The following ARHGAP10 variants were observed in gnomAD, a reference collection of about 807,000 sequenced individuals.
ARHGAP10 encodes the protein rho GTPase-activating protein 10.
A neutral mutation model predicts 108.6 loss-of-function variants in ARHGAP10; 87 were observed. The ratio of observed to expected loss-of-function variants is 0.80; its 90% CI spans 0.67 to 0.96. ARHGAP10 has a LOEUF of 0.96. Ranked by LOEUF, ARHGAP10 falls within the 40% of genes least tolerant of loss-of-function variation. The pLI is 0.00. For missense variants in ARHGAP10, 939 were observed against 954.5 expected, an observed-to-expected ratio of 0.98 and a Z score of 0.21; for synonymous variants, 347 against 341.1, an observed-to-expected ratio of 1.02 and a Z score of -0.19.
intron 3 of ARHGAP10, among the ~76,000 whole-genome samples, chr4:147,827,427 G>A (rs1732756421): frequency 6.6e-6 from 1 of 152,196 alleles, no homozygotes; most frequent in South Asian, 2.1e-4. Flanking sequence ...AAGTGCGCCA[G>A]CAAAGATAAT....
chr4:147,783,279 CATTAA>C (rs1166802627), intron 1 of ARHGAP10, among the ~76,000 whole-genome samples: 2 of 143,232 alleles, frequency 1.4e-5, no homozygotes, highest in African/African-American at 5.0e-5. Flanking sequence ...ATATAACACA[CATTAA>C]ATTATGTATT....
intron 1 of ARHGAP10, among the ~76,000 whole-genome samples, chr4:147,752,726 C>CA (rs1225921194): frequency 6.6e-6 from 1 of 152,106 alleles, no homozygotes; most frequent in African/African-American, 2.4e-5. Context: ...GGAGTTTTGC[C>CA]ATGTTGGCCA....
rs200063962 is a variant in ARHGAP10 at position 147,875,184 on chromosome 4, C to T, written c.832+34C>T. 1.8e-5 allele frequency: 27 copies of T among 1,522,866 alleles called. No individual in the cohort carries two copies. The African/African-American group carries it at 3.4e-4, about 19-fold the overall frequency. The allele number at this position is 1,522,866 out of a possible 1,614,324, so 94.3% of individuals were successfully genotyped here. ...CCCTCCAGCAGTGGCTGCGTGGCTG[C>T]TTAAAAATGCAAATTATTGAAAACT... On this transcript the variant is annotated intron_variant, in intron 8 of 22. Coordinates refer to ENST00000336498, the MANE Select transcript of ARHGAP10 (RefSeq NM_024605.4).
At position 147,864,897 on chromosome 4, in the gene ARHGAP10, G is replaced by T. The variant is rs755105567; in HGVS notation, c.538G>T (p.Glu180Ter). 1 of 1,614,092 alleles carries T rather than the reference G, an allele frequency of 6.2e-7. No individual in the cohort carries two copies. Among genetic ancestry groups the T allele is most frequent in the Non-Finnish European group, 8.5e-7 (1 of 1,180,002 alleles). The change falls in exon 6 of 23, where the codon GAG becomes TAG. Residue 180 changes from glutamate to a stop codon, truncating the protein, a stop_gained. Coordinates refer to ENST00000336498, the MANE Select transcript of ARHGAP10 (RefSeq NM_024605.4). LOFTEE classifies it high-confidence loss of function. The part of the protein sequence containing the change: ...NRQHFYELSL[E>*]YVCKLQEIQE... Reference sequence around the variant, plus strand: ...GCAACACTTCTATGAACTGTCTCTCGAGTATGTGTGTAAGCTGCAGGAAAT... The same window carrying T: ...GCAACACTTCTATGAACTGTCTCTCTAGTATGTGTGTAAGCTGCAGGAAAT...
At chr4:147,822,850 T>C in intron 2 of ARHGAP10, 28 bp downstream of exon 2, 1 of 1,613,996 alleles carries the variant, frequency 6.2e-7, no homozygotes, top group Non-Finnish European at 8.5e-7. Flanking sequence ...TTTGGTTTGT[T>C]TTCCTTTGCC....
chr4:147,837,034 C>CT (rs1347320491), intron 3 of ARHGAP10, among the ~76,000 whole-genome samples: 1 of 152,140 alleles, frequency 6.6e-6, no homozygotes, highest in Admixed American at 6.5e-5. Context: ...GATTGTGAAA[C>CT]TTTTTCACTT....
At chr4:148,052,361 T>C (rs565157839) in intron 20 of ARHGAP10, among the ~76,000 whole-genome samples, 2 of 150,752 alleles carry the variant, frequency 1.3e-5, no homozygotes, top group African/African-American at 4.9e-5. Context: ...AAAAAAGATT[T>C]ATCTTTTAAA....
chr4:147,879,041 A>C (rs192200256), intron 8 of ARHGAP10, among the ~76,000 whole-genome samples, 191 bp from the exon 9 acceptor site: 12 of 152,304 alleles, frequency 7.9e-5, no homozygotes, highest in Non-Finnish European at 1.6e-4. Context: ...AAGTGCTGGG[A>C]TTACAGGCGT....
intron 19 of ARHGAP10, among the ~76,000 whole-genome samples, chr4:148,027,985 A>G (rs1196434510): frequency 2.0e-5 from 3 of 152,042 alleles, no homozygotes; most frequent in Non-Finnish European, 4.4e-5. Context: ...AAGAGCTTTT[A>G]TATGCTCCAC....
At chr4:147,780,469 G>C (rs1259575630) in intron 1 of ARHGAP10, among the ~76,000 whole-genome samples, 1 of 152,168 alleles carries the variant, frequency 6.6e-6, no homozygotes, top group Non-Finnish European at 1.5e-5. Flanking sequence ...AAAGAGGGCA[G>C]TGTTTATAGA....
intron 7 of ARHGAP10, among the ~76,000 whole-genome samples, chr4:147,872,962 G>C (rs987941758): frequency 7.2e-5 from 11 of 152,168 alleles, no homozygotes; most frequent in African/African-American, 2.7e-4. Context: ...ACTGTGCCCA[G>C]ATCTTGTCGC....
intron 18 of ARHGAP10, among the ~76,000 whole-genome samples, chr4:147,975,944 A>G (rs374462731): frequency 1.3e-5 from 2 of 152,224 alleles, no homozygotes; most frequent in African/African-American, 4.8e-5. Context: ...CGATCAGTAG[A>G]ATGCATTGGT....
In ARHGAP10 at chr4:147,790,547, C is replaced by T. The variant is rs75796272; in HGVS notation, c.155-32180C>T. ...TTCAGAGGTGACTAGATTAATAATT[C>T]GACTTTTTTCTACCTGCTTGTCCAG... On this transcript the variant is annotated intron_variant, in intron 1 of 22. Coordinates refer to ENST00000336498, the MANE Select transcript of ARHGAP10 (RefSeq NM_024605.4). Among the ~76,000 whole-genome samples the T allele has an allele frequency of 9.8e-3, 1,488 of 152,236 alleles. 22 individuals are homozygous for T. The highest frequency in any genetic ancestry group is 0.034 in the African/African-American group (1,407 of 41,522).
chr4:147,925,325 CACA>C (rs1035908493), intron 13 of ARHGAP10, among the ~76,000 whole-genome samples: 4 of 152,170 alleles, frequency 2.6e-5, no homozygotes, highest in Admixed American at 1.3e-4. Flanking sequence ...AGCAGCGAGA[CACA>C]ACATTAGGCC....
intron 19 of ARHGAP10, among the ~76,000 whole-genome samples, chr4:148,042,127 A>T (rs1208444669): frequency 6.6e-6 from 1 of 151,824 alleles, no homozygotes; most frequent in Non-Finnish European, 1.5e-5. Flanking sequence ...TATCTCCCTC[A>T]CCCAGTATGC....
At chr4:147,813,632 G>A (rs535926851) in intron 1 of ARHGAP10, among the ~76,000 whole-genome samples, 14 of 152,276 alleles carry the variant, frequency 9.2e-5, no homozygotes, top group African/African-American at 7.2e-5. Context: ...ACAATTGCAC[G>A]CGACAGAGAA....
At chr4:147,860,933 G>C (rs1734287759) in intron 5 of ARHGAP10, 1 of 152,240 alleles carries the variant, frequency 6.6e-6, no homozygotes, top group African/African-American at 2.4e-5. Flanking sequence ...TTACAACTTG[G>C]ACGTCCATGG....
chr4:147,896,465 CTT>C (rs2126893001), intron 10 of ARHGAP10, among the ~76,000 whole-genome samples: 2 of 152,130 alleles, frequency 1.3e-5, no homozygotes, highest in South Asian at 4.2e-4. Context: ...AAATTGTTGA[CTT>C]TATTGGCATA....
At chr4:147,990,507 T>C (rs2149635291) in intron 18 of ARHGAP10, among the ~76,000 whole-genome samples, 1 of 152,162 alleles carries the variant, frequency 6.6e-6, no homozygotes, top group African/African-American at 2.4e-5. Context: ...CTACAGAGGG[T>C]CCTCCAAATA....
Sources: gnomAD v4.1 joint callset for allele counts (sites outside exome capture counted in the v4.1 genomes callset) on GRCh38, gnomAD v4.1.1 for gene constraint, MANE v1.5 for transcripts, NCBI Gene and HGNC (gene_info 2026-07-23, HGNC 2026-07-21) for gene names.